The following PPEF2 variants were observed in gnomAD, a reference collection of about 807,000 sequenced individuals.
PPEF2 encodes serine/threonine-protein phosphatase with EF-hands 2.
Under a neutral mutation model 84.7 loss-of-function variants are expected in PPEF2, and 84 were observed. The observed-to-expected ratio is 0.99, with a 90% CI of 0.83 to 1.19. PPEF2 has a LOEUF of 1.19. PPEF2 is among the 50% of genes most tolerant of loss of function. PPEF2 has a pLI of 0.00. For missense variants in PPEF2, 924 were observed against 937.5 expected, an observed-to-expected ratio of 0.99 and a Z score of 0.19; for synonymous variants, 346 against 345.2, an observed-to-expected ratio of 1.00 and a Z score of -0.03.
intron 5 of PPEF2, 88 bp downstream of exon 5, chr4:75,889,869 C>T (rs1369234180): frequency 3.5e-6 from 5 of 1,445,728 alleles, no homozygotes; most frequent in South Asian, 2.4e-5. Context: ...CACCCTAAAT[C>T]TGGGGCCATT....
In PPEF2 at chr4:75,860,057, G is replaced by A. The variant is rs1723953525; in HGVS notation, c.*610C>T. ...CATTGTTAAAGACAATAAATAAAAA[G>A]TATAAAATAGGCTGGGTGCGGTGGC... On this transcript the variant is annotated 3_prime_UTR_variant, in exon 17 of 17. Transcript: ENST00000286719. 1 of 152,218 alleles carries A rather than the reference G, an allele frequency of 6.6e-6. No individual in the cohort carries two copies. Among genetic ancestry groups the A allele is most frequent in the Admixed American group, 6.6e-5 (1 of 15,266 alleles). The allele number at this position is 152,218 out of a possible 1,614,324, so 9.4% of individuals were successfully genotyped here.
At chr4:75,869,278 G>A (rs923185831) in intron 13 of PPEF2, among the ~76,000 whole-genome samples, 2 of 152,148 alleles carry the variant, frequency 1.3e-5, no homozygotes, top group East Asian at 1.9e-4. Context: ...CTGTCCCTAC[G>A]TCAAGTAACA....
intron 2 of PPEF2, 31 bp from the exon 3 acceptor site, chr4:75,892,009 A>T: frequency 1.9e-6 from 3 of 1,606,152 alleles, no homozygotes; most frequent in Non-Finnish European, 2.6e-6. Context: ...CAAGCCTGTG[A>T]GCTCGGACTC....
intron 16 of PPEF2, among the ~76,000 whole-genome samples, chr4:75,861,614 G>GTTTTTTTTTTT (rs71210216): frequency 4.6e-5 from 4 of 86,144 alleles, no homozygotes; most frequent in Non-Finnish European, 7.2e-5. Flanking sequence ...TTATGCAACA[G>GTTTTTTTTTTT]TTTTTTTTTT....
At chr4:75,884,870 G>T in intron 7 of PPEF2, 110 bp from the exon 8 acceptor site, 2 of 916,478 alleles carry the variant, frequency 2.2e-6, no homozygotes, top group Non-Finnish European at 3.3e-6. Flanking sequence ...CCAATTCTGT[G>T]CTTTCTAGGT....
intron 13 of PPEF2, 54 bp from the exon 14 acceptor site, chr4:75,867,473 T>G (rs1724159581): frequency 1.6e-6 from 2 of 1,277,264 alleles, no homozygotes; most frequent in Non-Finnish European, 2.3e-6. Flanking sequence ...GAAAAAATAC[T>G]TAGAGATTTT....
chr4:75,876,434 C>G lies in PPEF2; in HGVS notation c.1173G>C (p.Arg391=). The change falls in exon 11 of 17, where the codon CGG becomes CGC. Residue 391 remains arginine, a synonymous_variant. Coordinates refer to ENST00000286719, the MANE Select transcript of PPEF2 (RefSeq NM_006239.3). The part of the protein sequence containing the change: ...LDGRELSRQV[R]SSVELELERC... ...GCTCTAGCTCCAGTTCCACGGAGCT[C>G]CGCACCTGCCGGGAGAGCTCCCGCC... is the stretch of plus-strand genomic sequence containing the variant. 1.9e-6 allele frequency: 3 copies of G among 1,614,116 alleles called. No individual in the cohort carries two copies. The highest frequency in any genetic ancestry group is 2.5e-6 in the Non-Finnish European group (3 of 1,180,024).
chr4:75,883,735 G>A (rs932193691), intron 8 of PPEF2, among the ~76,000 whole-genome samples: 2 of 144,930 alleles, frequency 1.4e-5, no homozygotes, highest in Non-Finnish European at 3.0e-5. Context: ...GGAGAATGGT[G>A]TGAACCCAGG....
chr4:75,867,123 T>C (rs751265375), intron 14 of PPEF2, among the ~76,000 whole-genome samples, 190 bp downstream of exon 14: 1 of 152,180 alleles, frequency 6.6e-6, no homozygotes, highest in Non-Finnish European at 1.5e-5. Flanking sequence ...TCATATTTTG[T>C]TAAAAGCTTA....
At position 75,876,616 on chromosome 4, in the gene PPEF2, TCTC is replaced by T. The variant is rs757161442; in HGVS notation, c.988_990del (p.Glu330del). On this transcript the variant is annotated inframe_deletion, in exon 11 of 17. Coordinates refer to ENST00000286719, the MANE Select transcript of PPEF2 (RefSeq NM_006239.3). The stretch of plus-strand genomic sequence containing the variant: ...GAGCTCTTCTGGTTGGCTCTTCTCT[TCTC>T]CTCCATCTGCTTCTCACTCTTCTGT... The T allele has an allele frequency of 1.1e-4, 179 of 1,598,670 alleles. No individual in the cohort carries two copies. Among genetic ancestry groups the T allele is most frequent in the Non-Finnish European group, 1.5e-4 (171 of 1,173,330 alleles).
chr4:75,873,309 C>A lies in PPEF2; in HGVS notation c.1324G>T (p.Val442Leu). ...KPTQEEWRQVVDILWSDPMAQ... is the reference protein window; with the variant it reads ...KPTQEEWRQVLDILWSDPMAQ... ...ATGGGATCACTCCACAGGATATCTA[C>A]AACCTGAGAAGACCAAGAGATGATT... Residue 442 changes from valine (V) to leucine (L), a missense_variant, in exon 12 of 17, where the codon GTA becomes TTA. By Grantham distance (32) the Val-to-Leu change is conservative. Coordinates refer to ENST00000286719, the MANE Select transcript of PPEF2 (RefSeq NM_006239.3). 1 of 1,607,368 alleles carries A rather than the reference C, an allele frequency of 6.2e-7. No individual in the cohort carries two copies. The highest frequency in any genetic ancestry group is 1.1e-5 in the South Asian group (1 of 89,802).
At chr4:75,882,518 G>T (rs13124155) in intron 10 of PPEF2, among the ~76,000 whole-genome samples, 53,259 of 149,612 alleles carry the variant, frequency 0.36, 10,777 homozygotes, top group Non-Finnish European at 0.47. Context: ...TTGCCCCCTA[G>T]CCCAACTGCA....
chr4:75,871,923 C>T, intron 13 of PPEF2, 102 bp downstream of exon 13: 1 of 1,304,332 alleles, frequency 7.7e-7, no homozygotes, highest in Non-Finnish European at 1.0e-6. Flanking sequence ...ATTCTGAATT[C>T]TCACGTAGAA....
chr4:75,863,463 G>GT (rs2149213141), intron 16 of PPEF2, among the ~76,000 whole-genome samples: 1 of 148,776 alleles, frequency 6.7e-6, no homozygotes, highest in South Asian at 2.1e-4. Context: ...TTGTGCCACT[G>GT]CACTCCAGCT....
chr4:75,878,351 A>G (rs1404111284), intron 10 of PPEF2, among the ~76,000 whole-genome samples: 2 of 152,232 alleles, frequency 1.3e-5, no homozygotes, highest in African/African-American at 4.8e-5. Context: ...GCTGTGCCTC[A>G]GTGCTATGGT....
In PPEF2 at chr4:75,883,058, T is replaced by C. The variant is rs775749762; in HGVS notation, c.801A>G (p.Ile267Met). Residue 267 changes from isoleucine (I) to methionine (M), a missense_variant, in exon 10 of 17, where the codon ATA (isoleucine) becomes ATG (methionine). Coordinates refer to ENST00000286719, the MANE Select transcript of PPEF2 (RefSeq NM_006239.3). ...AGAAAACATCTTGCAGGGTTCTTAG[T>C]ATTTCCTTCCCGTGTACCTGGAAAA... Reference protein sequence around the residue: ...MNKYKVHGKEILRTLQDVFCW... With the variant: ...MNKYKVHGKEMLRTLQDVFCW... 8 of 1,614,022 alleles carry C rather than the reference T, an allele frequency of 5.0e-6. No homozygotes were observed. Among genetic ancestry groups the C allele is most frequent in the Non-Finnish European group, 6.8e-6 (8 of 1,179,986 alleles).
rs1553907488 is a variant in PPEF2 at position 75,876,642 on chromosome 4, T to G, written c.965A>C (p.Gln322Pro). The G allele has an allele frequency of 6.4e-7, 1 of 1,571,584 alleles. No homozygotes were observed. Among genetic ancestry groups the G allele is most frequent in the African/African-American group, 1.4e-5 (1 of 73,342 alleles). Residue 322 changes from glutamine to proline, a missense_variant, in exon 11 of 17, where the codon CAG becomes CCG. Physicochemically the swap from Gln to Pro is moderately conservative, Grantham distance 76. Transcript: ENST00000286719. Reference sequence around the variant, plus strand: ...CTCCTCCATCTGCTTCTCACTCTTCTGTCTCGTTTTGCACCTCATGGTGGA... The same window carrying G: ...CTCCTCCATCTGCTTCTCACTCTTCGGTCTCGTTTTGCACCTCATGGTGGA... Reference protein sequence around the residue: ...IVSTMRCKTRQKSEKQMEEKR... With the variant: ...IVSTMRCKTRPKSEKQMEEKR...
At chr4:75,883,479 C>T (rs1724631964) in intron 8 of PPEF2, 1 of 406,788 alleles carries the variant, frequency 2.5e-6, no homozygotes, top group Non-Finnish European at 4.4e-6. Context: ...TATGCAAAAA[C>T]AAATTCAATG....
intron 16 of PPEF2, among the ~76,000 whole-genome samples, chr4:75,863,454 T>G (rs1724054718): frequency 6.7e-6 from 1 of 149,202 alleles, no homozygotes; most frequent in African/African-American, 2.5e-5. Context: ...GATCCGAGAT[T>G]GTGCCACTGC....
Sources: gnomAD v4.1 joint callset for allele counts (sites outside exome capture counted in the v4.1 genomes callset) on GRCh38, gnomAD v4.1.1 for gene constraint, MANE v1.5 for transcripts, NCBI Gene and HGNC (gene_info 2026-07-23, HGNC 2026-07-21) for gene names.